Variants in DPP7 observed in about 807,000 individuals in gnomAD.
DPP7 encodes dipeptidyl peptidase 7, also known as dipeptidyl peptidase 2.
Under a neutral mutation model 58.8 loss-of-function variants are expected in DPP7, and 74 were observed. The ratio of observed to expected loss-of-function variants is 1.26; its 90% CI spans 1.04 to 1.53. The LOEUF (loss-of-function observed/expected upper bound fraction) is 1.53, where lower values mean the gene tolerates loss of function less well. Ranked by LOEUF, DPP7 falls within the 40% of genes most tolerant of loss-of-function variation. The pLI, the probability that DPP7 is intolerant of heterozygous loss-of-function variation, is 0.00. For missense variants in DPP7, 807 were observed against 692.3 expected, an observed-to-expected ratio of 1.17 and a Z score of -1.86; for synonymous variants, 350 against 303.6, an observed-to-expected ratio of 1.15 and a Z score of -1.59.
chr9:137,112,026 AGGCCTGC>A lies in DPP7; in HGVS notation c.1051-4_1053del, dbSNP rs1462507441. On this transcript the variant is annotated splice_acceptor_variant and splice_polypyrimidine_tract_variant and coding_sequence_variant and intron_variant, in exon 10 of 13. Transcript: ENST00000371579. LOFTEE classifies it high-confidence loss of function. ...GCGAAGGTCAGGTTGATCTCGGTGC[AGGCCTGC>A]AGGTGCCCCAGCCTGAGTCAGGCCA... The A allele has an allele frequency of 1.9e-6, 3 of 1,613,200 alleles. No individual in the cohort carries two copies. The East Asian group carries it at 6.7e-5, about 36-fold the overall frequency.
In DPP7 at chr9:137,113,981, G is replaced by T. The variant is rs1329769283; in HGVS notation, c.369C>A (p.Arg123=). The change falls in exon 4 of 13, where the codon CGC becomes CGA. Residue 123 remains arginine, a synonymous_variant. Coordinates refer to ENST00000371579, the MANE Select transcript of DPP7 (RefSeq NM_013379.3). ...SLPFGAQSTQ[R]GHTELLTVEQ... The stretch of plus-strand genomic sequence containing the variant: ...CCACCGTCAGCAGCTCCGTGTGCCC[G>T]CGCTGCGTGGACTGCGCACCGAACG... The T allele has an allele frequency of 1.9e-6, 3 of 1,579,034 alleles. No individual in the cohort carries two copies. Among genetic ancestry groups the T allele is most frequent in the Non-Finnish European group, 2.6e-6 (3 of 1,167,062 alleles).
At chr9:137,112,636 G>A (rs1588664478) in intron 8 of DPP7, 109 bp downstream of exon 8, 3 of 1,337,518 alleles carry the variant, frequency 2.2e-6, no homozygotes, top group Non-Finnish European at 3.1e-6. Flanking sequence ...CCCTGGGGCA[G>A]GAGGCAAAGC....
intron 7 of DPP7, 56 bp downstream of exon 7, chr9:137,112,897 C>G (rs1831446660): frequency 6.2e-7 from 1 of 1,607,416 alleles, no homozygotes; most frequent in Non-Finnish European, 8.5e-7. Flanking sequence ...CGCTGACCAC[C>G]AGCCTCGGGA....
At position 137,112,107 on chromosome 9, in the gene DPP7, C is replaced by T. The variant is rs1486929127; in HGVS notation, c.1050+5G>A. 1 of 1,611,928 alleles carries T rather than the reference C, an allele frequency of 6.2e-7. No individual in the cohort carries two copies. The highest frequency in any genetic ancestry group is 1.7e-5 in the Admixed American group (1 of 59,948). ...AGTGGTTCCAGGCCACCCACACCCC[C>T]ACACCTGGTAGTCCCAGGCCCTGGC... On this transcript the variant is annotated splice_donor_5th_base_variant and intron_variant, in intron 9 of 12. Transcript: ENST00000371579.
At position 137,112,095 on chromosome 9, in the gene DPP7, C is replaced by T. The variant is rs1277876038; in HGVS notation, c.1050+17G>A. ...CCCTTGCCCCCGAGTGGTTCCAGGC[C>T]ACCCACACCCCCACACCTGGTAGTC... On this transcript the variant is annotated intron_variant, in intron 9 of 12. Transcript: ENST00000371579. 1.9e-6 allele frequency: 3 copies of T among 1,611,880 alleles called. No homozygotes were observed. Among genetic ancestry groups the T allele is most frequent in the Non-Finnish European group, 2.5e-6 (3 of 1,179,472 alleles).
upstream of DPP7, among the ~76,000 whole-genome samples, chr9:137,118,133 A>G (rs911413438): frequency 6.6e-5 from 10 of 150,822 alleles, no homozygotes; most frequent in African/African-American, 2.2e-4. Flanking sequence ...GATTACAGGC[A>G]CCCACCACCA....
At chr9:137,117,082 C>T (rs1588671737), upstream of DPP7, among the ~76,000 whole-genome samples, 1 of 152,224 alleles carries the variant, frequency 6.6e-6, no homozygotes, top group African/African-American at 2.4e-5. Flanking sequence ...GAGACCGGGG[C>T]CGGTGCGGGT....
chr9:137,113,252 AC>A lies in DPP7; in HGVS notation c.656del (p.Gly219ValfsTer37), dbSNP rs1831466047. The A allele has an allele frequency of 3.1e-6, 5 of 1,613,746 alleles. No homozygotes were observed. The highest frequency in any genetic ancestry group is 4.2e-6 in the Non-Finnish European group (5 of 1,179,954). On this transcript the variant is annotated frameshift_variant, in exon 6 of 13. Transcript: ENST00000371579. LOFTEE classifies it high-confidence loss of function. The part of the protein sequence containing the change: ...FEGQSPKCTQ[G>X]VREAFRQIKD... ...TGATCTGTCGGAACGCTTCCCGCAC[AC>A]CCTGGGTGCATTTGGGACTCTGGCC...
intron 11 of DPP7, 67 bp from the exon 12 acceptor site, chr9:137,111,017 T>C (rs565362014): frequency 2.4e-4 from 358 of 1,508,966 alleles, no homozygotes; most frequent in Admixed American, 3.5e-4. Flanking sequence ...CGTGGGCCCA[T>C]TGGAGAGGAG....
intron 11 of DPP7, 61 bp downstream of exon 11, chr9:137,111,629 C>T: frequency 6.3e-7 from 1 of 1,576,032 alleles, no homozygotes; most frequent in Non-Finnish European, 8.7e-7. Context: ...CAGAGAAAGA[C>T]CCTGTCTCAA....
In DPP7 at chr9:137,112,140, C is replaced by T. The variant is rs767408140; in HGVS notation, c.1022G>A (p.Gly341Asp). The change falls in exon 9 of 13, where the codon GGC becomes GAC. Residue 341 changes from glycine (G) to aspartate (D), a missense_variant. Gly to Asp is a moderately conservative substitution (Grantham distance 94). This residue lies in a region of DPP7 where 624 missense variants were observed against 531.2 expected (regional missense o/e 1.17). Coordinates refer to ENST00000371579, the MANE Select transcript of DPP7 (RefSeq NM_013379.3). The stretch of plus-strand genomic sequence containing the variant: ...GTAGTCCCAGGCCCTGGCGTCGGGG[C>T]CGGTGCCGCAGCCAGTGGGGTCAGC... ...SCADPTGCGTGPDARAWDYQA... is the reference protein window; with the variant it reads ...SCADPTGCGTDPDARAWDYQA... The T allele has an allele frequency of 6.2e-7, 1 of 1,610,798 alleles. No individual in the cohort carries two copies. Among genetic ancestry groups the T allele is most frequent in the Non-Finnish European group, 8.5e-7 (1 of 1,179,676 alleles).
Position 137,114,684 on chromosome 9 carries a change from C to T in DPP7, c.30G>A (p.Leu10=). The T allele has an allele frequency of 7.4e-7, 1 of 1,349,126 alleles. No individual in the cohort carries two copies. 83.6% of individuals were successfully genotyped at this position (1,349,126 alleles called of 1,614,324 possible). The change falls in exon 1 of 13, where the codon CTG becomes CTA. Residue 10 remains leucine, a synonymous_variant. Coordinates refer to ENST00000371579, the MANE Select transcript of DPP7 (RefSeq NM_013379.3). MGSAPWAPV[L]LLALGLRGLQ... ...GGCCGCGCAGCCCGAGCGCCAGCAG[C>T]AGGACCGGGGCCCAGGGAGCGGAGC...
At chr9:137,110,814 G>A (rs1236086118) in intron 12 of DPP7, 31 bp from the exon 13 acceptor site, 7 of 1,601,996 alleles carry the variant, frequency 4.4e-6, no homozygotes, top group Non-Finnish European at 5.9e-6. Flanking sequence ...GGGCCCGTCA[G>A]CCCCAGCCCT....
rs746007704 is a variant in DPP7, at chr9:137,111,945, G to A, written c.1135C>T (p.Gln379Ter). ...PDLPFTDELRQRYCLDTWGVW... is the reference protein window; with the variant it reads ...PDLPFTDELR ...CCCCAGGTGTCCAGGCAGTACCGCT[G>A]GCGGAGCTCGTCAGTGAAGGGCAGG... Residue 379 changes from glutamine to a stop codon, truncating the protein, a stop_gained, in exon 10 of 13, where the codon CAG (glutamine) becomes TAG (stop). Transcript: ENST00000371579. LOFTEE classifies it high-confidence loss of function. The A allele has an allele frequency of 3.1e-6, 5 of 1,613,464 alleles. No individual in the cohort carries two copies. The Admixed American group carries it at 8.3e-5, about 27-fold the overall frequency.
rs754291597 is a variant in DPP7 at position 137,111,726 on chromosome 9, G to C, written c.1236C>G (p.Phe412Leu). Residue 412 changes from phenylalanine (F) to leucine (L), a missense_variant, in exon 11 of 13, where the codon TTC (phenylalanine) becomes TTG (leucine). Physicochemically the swap from Phe to Leu is conservative, Grantham distance 22. Around this residue, in one of 3 missense-constraint regions of DPP7, gnomAD observed 624 missense variants for 531.2 expected, o/e 1.17. Transcript: ENST00000371579. ...CCCAGGGGTCCAGGTTCCCGTTGGA[G>C]AAGATGATGTTGCTGGCGGCTCTGA... ...GDLRAASNII[F>L]SNGNLDPWAG... 3 of 1,613,834 alleles carry C rather than the reference G, an allele frequency of 1.9e-6. No individual in the cohort carries two copies. Among genetic ancestry groups the C allele is most frequent in the Non-Finnish European group, 2.5e-6 (3 of 1,180,010 alleles).
At chr9:137,114,857 C>T (rs867643139), upstream of DPP7, 1 of 500,134 alleles carries the variant, frequency 2.0e-6, no homozygotes, top group Non-Finnish European at 3.0e-6. Context: ...GGCTGTGCCC[C>T]CCAACACCCC....
rs201019932 is a variant in DPP7, at chr9:137,112,003, G to A, written c.1077C>T (p.Phe359=). 1.2e-5 allele frequency: 20 copies of A among 1,613,750 alleles called. No individual in the cohort carries two copies. The highest frequency in any genetic ancestry group is 9.3e-5 in the African/African-American group (7 of 75,036). Reference sequence around the variant, plus strand: ...ACATATCGGTCACATTGTTGCTGGCGAAGGTCAGGTTGATCTCGGTGCAGG... The same window carrying A: ...ACATATCGGTCACATTGTTGCTGGCAAAGGTCAGGTTGATCTCGGTGCAGG... The part of the protein sequence containing the change: ...YQACTEINLT[F]ASNNVTDMFP... Residue 359 remains phenylalanine, a synonymous_variant, in exon 10 of 13, where the codon TTC becomes TTT. Coordinates refer to ENST00000371579, the MANE Select transcript of DPP7 (RefSeq NM_013379.3).
At chr9:137,112,613 C>T (rs1185505129) in intron 8 of DPP7, 132 bp downstream of exon 8, 2 of 1,116,474 alleles carry the variant, frequency 1.8e-6, no homozygotes, top group African/African-American at 1.6e-5. Context: ...TCGTGCTGTC[C>T]ACCCCACCAC....
intron 8 of DPP7, 53 bp from the exon 9 acceptor site, chr9:137,112,283 C>T: frequency 7.0e-7 from 1 of 1,435,160 alleles, no homozygotes; most frequent in Non-Finnish European, 9.4e-7. Flanking sequence ...ACACCGCGGG[C>T]TCCGGCCACC....
Sources: gnomAD v4.1 joint callset for allele counts (sites outside exome capture counted in the v4.1 genomes callset) on GRCh38, gnomAD v4.1.1 for gene constraint, gnomAD v4.1.1 regional missense constraint, MANE v1.5 for transcripts, NCBI Gene and HGNC (gene_info 2026-07-23, HGNC 2026-07-21) for gene names.